MYH9: variants seen among roughly 807,000 people sequenced by gnomAD.
MYH9 encodes the protein myosin-9.
A neutral mutation model predicts 241.9 loss-of-function variants in MYH9; 29 were observed. The ratio of observed to expected loss-of-function variants is 0.12; its 90% CI spans 0.09 to 0.16. MYH9 has a LOEUF of 0.16. Ranked by LOEUF, MYH9 falls within the 10% of genes least tolerant of loss-of-function variation. The pLI is 1.00. For missense variants in MYH9, 1,803 were observed against 2,595.5 expected (o/e 0.69, Z 6.63); for synonymous variants, 1,047 against 1,062.6 (o/e 0.99, Z 0.29).
At chr22:36,291,730 G>C (rs1474167177) in intron 31 of MYH9, among the ~76,000 whole-genome samples, 4 of 122,856 alleles carry the variant, frequency 3.3e-5, no homozygotes, top group Non-Finnish European at 7.0e-5. Flanking sequence ...GTTCATTAGA[G>C]AAAATCTGAA....
chr22:36,341,547 T>C lies in MYH9; in HGVS notation c.334-21A>G, dbSNP rs764075947. 19 of 1,612,512 alleles carry C rather than the reference T, an allele frequency of 1.2e-5. No individual in the cohort carries two copies. In the Admixed American group the frequency reaches 1.8e-4, roughly 16 times the overall value. ...TAGGTCTAAAGAAAAGAGCGGCAGA[T>C]AGGAACAGGTTAGGAAGTTTGATTC... On this transcript the variant is annotated intron_variant, in intron 2 of 40. Transcript: ENST00000216181.
At chr22:36,357,758 C>T (rs117283436) in intron 1 of MYH9, among the ~76,000 whole-genome samples, 5,514 of 152,212 alleles carry the variant, frequency 0.036, 108 homozygotes, top group South Asian at 0.081. Flanking sequence ...ATAAAAATGG[C>T]CATTATGGAT....
chr22:36,348,520 A>ATT (rs2017714833), intron 2 of MYH9, among the ~76,000 whole-genome samples: 2 of 142,676 alleles, frequency 1.4e-5, no homozygotes, highest in Non-Finnish European at 3.0e-5. Context: ...AAAAAAAAAA[A>ATT]AAATTAAATT....
At chr22:36,337,515 G>T (rs2017517930) in intron 3 of MYH9, among the ~76,000 whole-genome samples, 1 of 152,220 alleles carries the variant, frequency 6.6e-6, no homozygotes, top group East Asian at 1.9e-4. Context: ...GCAGATGGAG[G>T]TCCCCAGGAA....
intron 1 of MYH9, among the ~76,000 whole-genome samples, chr22:36,382,731 A>T (rs1374098401): frequency 1.3e-5 from 2 of 151,992 alleles, no homozygotes; most frequent in Non-Finnish European, 2.9e-5. Context: ...TGAACCCAGG[A>T]GGCAGAGGCT....
chr22:36,321,742 C>G lies in MYH9; in HGVS notation c.769+16G>C. 6.2e-7 allele frequency: 1 copy of G among 1,612,684 alleles called. No individual in the cohort carries two copies. Among genetic ancestry groups the G allele is most frequent in the South Asian group, 1.1e-5 (1 of 91,056 alleles). On this transcript the variant is annotated intron_variant, in intron 7 of 40. Coordinates refer to ENST00000216181, the MANE Select transcript of MYH9 (RefSeq NM_002473.6). ...TCCGGATCCAGGACTCTTATCCCAACGAACCACAAGGATACAAGTCTCAAT... is the reference window on the plus strand; with the variant it reads ...TCCGGATCCAGGACTCTTATCCCAAGGAACCACAAGGATACAAGTCTCAAT...
chr22:36,340,993 G>GT (rs1290129455), intron 3 of MYH9, among the ~76,000 whole-genome samples: 1 of 152,114 alleles, frequency 6.6e-6, no homozygotes, highest in Non-Finnish European at 1.5e-5. Context: ...ACTCGAACGT[G>GT]TTTCTAGACT....
chr22:36,321,132 A>G (rs2017244448), intron 7 of MYH9, among the ~76,000 whole-genome samples: 1 of 152,054 alleles, frequency 6.6e-6, no homozygotes, highest in Non-Finnish European at 1.5e-5. Flanking sequence ...TTTAGTAGAG[A>G]CAGAGTTTTG....
chr22:36,366,397 G>A (rs1183339851), intron 1 of MYH9, among the ~76,000 whole-genome samples: 1 of 152,006 alleles, frequency 6.6e-6, no homozygotes, highest in Non-Finnish European at 1.5e-5. Flanking sequence ...GGGGGGTCGG[G>A]GGGAGTGTCC....
intron 1 of MYH9, among the ~76,000 whole-genome samples, chr22:36,368,483 A>G (rs915592821): frequency 1.3e-5 from 2 of 152,190 alleles, no homozygotes; most frequent in Admixed American, 1.3e-4. Flanking sequence ...AGCATCTGGC[A>G]AGGCGTCACA....
At chr22:36,313,451 CAAA>C (rs57101170) in intron 13 of MYH9, among the ~76,000 whole-genome samples, 1 of 52,930 alleles carries the variant, frequency 1.9e-5, no homozygotes, top group Non-Finnish European at 3.8e-5. Context: ...GACTCCGTCT[CAAA>C]AAAAAAAAAA....
At chr22:36,366,882 C>T (rs1187455620) in intron 1 of MYH9, among the ~76,000 whole-genome samples, 2 of 152,096 alleles carry the variant, frequency 1.3e-5, no homozygotes, top group Non-Finnish European at 2.9e-5. Flanking sequence ...TAGAACAAAC[C>T]CCCATCCTGA....
chr22:36,333,134 T>G (rs1380351830), intron 3 of MYH9, among the ~76,000 whole-genome samples: 1 of 152,236 alleles, frequency 6.6e-6, no homozygotes, highest in African/African-American at 2.4e-5. Context: ...AGCCAGGCAC[T>G]GCTCATGACA....
Position 36,322,524 on chromosome 22 carries a change from G to A in MYH9, c.613-3C>T, listed in dbSNP as rs967265838. ...AGCAGCTGCCGCTCCAGCTCGCCCT[G>A]CAAGGAACCCAGGGACGCAGTGAAG... On this transcript the variant is annotated splice_region_variant and splice_polypyrimidine_tract_variant and intron_variant, in intron 5 of 40. Coordinates refer to ENST00000216181, the MANE Select transcript of MYH9 (RefSeq NM_002473.6). The A allele has an allele frequency of 2.5e-6, 4 of 1,613,450 alleles. No individual in the cohort carries two copies. Among genetic ancestry groups the A allele is most frequent in the Non-Finnish European group, 3.4e-6 (4 of 1,179,926 alleles).
At chr22:36,377,291 T>C (rs1481776675) in intron 1 of MYH9, among the ~76,000 whole-genome samples, 1 of 152,182 alleles carries the variant, frequency 6.6e-6, no homozygotes, top group Non-Finnish European at 1.5e-5. Flanking sequence ...CTCGTTCTTA[T>C]GTTTATCTGA....
Position 36,293,183 on chromosome 22 carries a change from G to A in MYH9, c.4095+146C>T. 1 of 930,556 alleles carries A rather than the reference G, an allele frequency of 1.1e-6. No homozygotes were observed. The highest frequency in any genetic ancestry group is 1.6e-6 in the Non-Finnish European group (1 of 608,304). 57.6% of individuals were successfully genotyped at this position (930,556 alleles called of 1,614,324 possible). ...CTGGATTCCTTTCCTTGAGAGCACT[G>A]ATGTGGGAGAGCACGGTTGGCTTCC... On this transcript the variant is annotated intron_variant, in intron 30 of 40. Transcript: ENST00000216181. The surrounding 1 kb of genome is among the most constrained non-coding windows in gnomAD (Gnocchi z 5.1).
chr22:36,320,824 A>G lies in MYH9; in HGVS notation c.842T>C (p.Leu281Pro). The G allele has an allele frequency of 6.2e-7, 1 of 1,613,548 alleles. No individual in the cohort carries two copies. Among genetic ancestry groups the G allele is most frequent in the Non-Finnish European group, 8.5e-7 (1 of 1,179,460 alleles). ...CTTCAGGTGCTCTCCAGCCCCAGACAGGAGATAATAGAAGATGTGGAAGGT... is the reference window on the plus strand; with the variant it reads ...CTTCAGGTGCTCTCCAGCCCCAGACGGGAGATAATAGAAGATGTGGAAGGT... ...ERTFHIFYYLLSGAGEHLKTD... is the reference protein window; with the variant it reads ...ERTFHIFYYLPSGAGEHLKTD... Residue 281 changes from leucine (L) to proline (P), a missense_variant, in exon 8 of 41, where the codon CTG (leucine) becomes CCG (proline). Leu to Pro is a moderately conservative substitution (Grantham distance 98). This residue lies in a region of MYH9 where 222 missense variants were observed against 359.9 expected (regional missense o/e 0.62). Transcript: ENST00000216181. This position sits in a 1 kb window ranked among gnomAD's most constrained non-coding sequence, Gnocchi z 4.8.
chr22:36,316,695 G>A, intron 11 of MYH9, 26 bp from the exon 12 acceptor site: 1 of 1,613,058 alleles, frequency 6.2e-7, no homozygotes, highest in Non-Finnish European at 8.5e-7. Flanking sequence ...GGGGAGCGTG[G>A]TGTCAGATAC....
intron 27 of MYH9, 52 bp from the exon 28 acceptor site, chr22:36,294,350 G>A: frequency 6.3e-7 from 1 of 1,586,396 alleles, no homozygotes; most frequent in South Asian, 1.1e-5. Flanking sequence ...ACACAAGGCT[G>A]GCTGGTCTAT....
Sources: gnomAD v4.1 joint callset for allele counts (sites outside exome capture counted in the v4.1 genomes callset) on GRCh38, gnomAD v4.1.1 for gene constraint, gnomAD v4.1.1 regional missense constraint, Gnocchi (gnomAD v3.1) non-coding constraint, MANE v1.5 for transcripts, NCBI Gene and HGNC (gene_info 2026-07-23, HGNC 2026-07-21) for gene names.